Variants in ITIH2 observed in about 807,000 individuals in gnomAD.
ITIH2 encodes inter-alpha-trypsin inhibitor heavy chain H2.
In ITIH2, 103 loss-of-function variants were observed where a neutral mutation model predicts 104.4. The observed-to-expected ratio is 0.99, with a 90% CI of 0.84 to 1.16. ITIH2 has a LOEUF of 1.16. Among genes scored for constraint, ITIH2 ranks in the 50% most tolerant of loss-of-function variants. ITIH2 has a pLI of 0.00. For synonymous variants in ITIH2, 436 were observed against 435.4 expected (o/e 1.00, Z -0.02); for missense variants, 1,108 against 1,162.4 (o/e 0.95, Z 0.68).
chr10:7,745,079 G>C, intron 19 of ITIH2, 116 bp downstream of exon 19: 1 of 869,280 alleles, frequency 1.2e-6, no homozygotes, highest in East Asian at 2.4e-5. Context: ...GAGCACAGAG[G>C]ACTAACATAG....
chr10:7,730,183 C>A, intron 12 of ITIH2, 50 bp downstream of exon 12: 1 of 1,321,388 alleles, frequency 7.6e-7, no homozygotes, highest in Non-Finnish European at 1.1e-6. Context: ...AATCATTTAA[C>A]TACCCATATC....
At chr10:7,724,249 TA>T (rs1188934490) in intron 9 of ITIH2, among the ~76,000 whole-genome samples, 5 of 152,124 alleles carry the variant, frequency 3.3e-5, no homozygotes, top group Non-Finnish European at 7.4e-5. Flanking sequence ...AGTTCACTAC[TA>T]CCCTAAGATC....
chr10:7,724,674 C>A (rs2130950464), intron 9 of ITIH2, among the ~76,000 whole-genome samples: 1 of 151,354 alleles, frequency 6.6e-6, no homozygotes, highest in African/African-American at 2.4e-5. Flanking sequence ...TACTCCCAGG[C>A]AGGGTTTCTC....
At chr10:7,748,691 AC>A (rs974117464) in intron 20 of ITIH2, among the ~76,000 whole-genome samples, 1 of 150,210 alleles carries the variant, frequency 6.7e-6, no homozygotes, top group Non-Finnish European at 1.5e-5. Context: ...ACAGGCGTAC[AC>A]CACCATGCCC....
intron 2 of ITIH2, 36 bp downstream of exon 2, chr10:7,705,218 A>T: frequency 1.5e-6 from 2 of 1,356,594 alleles, no homozygotes; most frequent in Non-Finnish European, 2.1e-6. Flanking sequence ...GGGGAAAAAA[A>T]GTGAAAGAGA....
intron 4 of ITIH2, among the ~76,000 whole-genome samples, chr10:7,712,083 C>T (rs1406374947): frequency 1.3e-5 from 2 of 152,168 alleles, no homozygotes; most frequent in Non-Finnish European, 2.9e-5. Flanking sequence ...TTTCTTTATT[C>T]TTTTCCACCC....
At chr10:7,719,757 T>A in intron 6 of ITIH2, among the ~76,000 whole-genome samples, 1 of 31,126 alleles carries the variant, frequency 3.2e-5, no homozygotes, top group African/African-American at 1.6e-4. Flanking sequence ...TGAGACCCTG[T>A]CTCAAAAAAA....
chr10:7,741,096 A>T, intron 16 of ITIH2, among the ~76,000 whole-genome samples: 1 of 152,006 alleles, frequency 6.6e-6, no homozygotes, highest in East Asian at 1.9e-4. Flanking sequence ...AATAAAAGCA[A>T]TTTTCTTCGA....
intron 16 of ITIH2, among the ~76,000 whole-genome samples, 156 bp from the exon 17 acceptor site, chr10:7,742,990 C>T (rs1004457788): frequency 6.6e-6 from 1 of 152,050 alleles, no homozygotes; most frequent in Admixed American, 6.6e-5. Flanking sequence ...GAGTATGAAC[C>T]ACTGGGTCCC....
chr10:7,712,264 G>A (rs1419414236), intron 4 of ITIH2, among the ~76,000 whole-genome samples: 1 of 152,130 alleles, frequency 6.6e-6, no homozygotes, highest in Admixed American at 6.5e-5. Flanking sequence ...CCATTTCCTG[G>A]TTCAGTCAAG....
At position 7,743,143 on chromosome 10, in the gene ITIH2, C is replaced by T. The variant is rs1835142912; in HGVS notation, c.2096-3C>T. ...GTTTACGTTTTCTTTGTATATTTTC[C>T]AGTTGAAAATGACCCACATTTCATC... On this transcript the variant is annotated splice_region_variant and splice_polypyrimidine_tract_variant and intron_variant, in intron 16 of 20. Coordinates refer to ENST00000358415, the MANE Select transcript of ITIH2 (RefSeq NM_002216.3). 2 of 1,347,668 alleles carry T rather than the reference C, an allele frequency of 1.5e-6. No homozygotes were observed. The highest frequency in any genetic ancestry group is 2.4e-5 in the East Asian group (1 of 41,716). The allele number at this position is 1,347,668 out of a possible 1,614,324, so 83.5% of individuals were successfully genotyped here.
chr10:7,706,779 T>C (rs1267974171), intron 2 of ITIH2, among the ~76,000 whole-genome samples: 2 of 151,854 alleles, frequency 1.3e-5, no homozygotes, highest in Non-Finnish European at 2.9e-5. Flanking sequence ...CATATGGGGG[T>C]TGAGGAACCT....
intron 14 of ITIH2, among the ~76,000 whole-genome samples, chr10:7,733,989 TGCA>T (rs1185690042): frequency 1.3e-5 from 2 of 151,816 alleles, no homozygotes. Flanking sequence ...AGCAAATTGT[TGCA>T]GAAGTTAAAT....
At chr10:7,739,323 C>A (rs1835102323) in intron 16 of ITIH2, among the ~76,000 whole-genome samples, 1 of 152,206 alleles carries the variant, frequency 6.6e-6, no homozygotes, top group Non-Finnish European at 1.5e-5. Flanking sequence ...TCCTTACTTT[C>A]CTTTTGATTA....
At chr10:7,723,723 C>T (rs111310985) in intron 9 of ITIH2, among the ~76,000 whole-genome samples, 156 bp downstream of exon 9, 1 of 152,138 alleles carries the variant, frequency 6.6e-6, no homozygotes, top group Non-Finnish European at 1.5e-5. Flanking sequence ...TAAAATTTTG[C>T]TATTATTGCA....
intron 1 of ITIH2, among the ~76,000 whole-genome samples, chr10:7,704,257 T>C (rs1834724389): frequency 6.6e-6 from 1 of 152,236 alleles, no homozygotes; most frequent in South Asian, 2.1e-4. Flanking sequence ...GTGGATTACC[T>C]ATAAAAATGC....
chr10:7,713,168 T>G lies in ITIH2; in HGVS notation c.363-13T>G. 1 of 1,598,024 alleles carries G rather than the reference T, an allele frequency of 6.3e-7. No individual in the cohort carries two copies. Among genetic ancestry groups the G allele is most frequent in the Non-Finnish European group, 8.6e-7 (1 of 1,166,570 alleles). ...CTATTCTGACCAACTGGTTACCTTC[T>G]GTCATTTTCTAGGACTGTGGACGGC... On this transcript the variant is annotated splice_polypyrimidine_tract_variant and intron_variant, in intron 4 of 20. Coordinates refer to ENST00000358415, the MANE Select transcript of ITIH2 (RefSeq NM_002216.3).
rs1226349102 is a variant in ITIH2 at position 7,720,860 on chromosome 10, A to T, written c.635A>T (p.Asp212Val). 2 of 1,594,784 alleles carry T rather than the reference A, an allele frequency of 1.3e-6. No homozygotes were observed. The highest frequency in any genetic ancestry group is 1.7e-6 in the Non-Finnish European group (2 of 1,162,466). ...PGRLAKHLEV[D>V]VWVIEPQGLR... is the part of the protein sequence containing the mutation. ...AATTTTCTCTTGCATCTCTAGGTAG[A>T]TGTGTGGGTTATCGAACCACAGGGA... is the stretch of plus-strand genomic sequence containing the variant. The change falls in exon 7 of 21, where the codon GAT becomes GTT. Residue 212 changes from aspartate (D) to valine (V), a missense_variant. Transcript: ENST00000358415.
chr10:7,731,322 A>T (rs532297830), intron 12 of ITIH2, among the ~76,000 whole-genome samples: 15 of 152,354 alleles, frequency 9.8e-5, no homozygotes, highest in African/African-American at 3.6e-4. Context: ...GTTCTCAACA[A>T]GTCTTTGTCT....
Sources: gnomAD v4.1 joint callset for allele counts (sites outside exome capture counted in the v4.1 genomes callset) on GRCh38, gnomAD v4.1.1 for gene constraint, MANE v1.5 for transcripts, NCBI Gene and HGNC (gene_info 2026-07-23, HGNC 2026-07-21) for gene names.